The following SMYD3 variants were observed in gnomAD, a reference collection of about 807,000 sequenced individuals.
SMYD3 encodes the protein SET and MYND domain containing 3.
Under a neutral mutation model 57.7 loss-of-function variants are expected in SMYD3, and 36 were observed. That is an observed-to-expected ratio of 0.62 (90% CI 0.48 to 0.82). The LOEUF is 0.82. Among genes scored for constraint, SMYD3 ranks in the 40% least tolerant of loss-of-function variants. The pLI, the probability that SMYD3 is intolerant of heterozygous loss-of-function variation, is 0.00. For missense variants in SMYD3, 515 were observed against 538.8 expected (o/e 0.96, Z 0.44); for synonymous variants, 211 against 195.0 (o/e 1.08, Z -0.68).
chr1:246,327,444 T>C, intron 4 of SMYD3, 107 bp from the exon 5 acceptor site: 1 of 965,018 alleles, frequency 1.0e-6, no homozygotes, highest in Non-Finnish European at 1.5e-6. Flanking sequence ...TACCTTACAT[T>C]GGATTTTGAC....
intron 5 of SMYD3, among the ~76,000 whole-genome samples, chr1:246,093,017 A>G (rs540277196): frequency 2.0e-5 from 3 of 152,244 alleles, no homozygotes; most frequent in African/African-American, 7.2e-5. Context: ...AAAAATTCTC[A>G]ACATCATTAA....
At chr1:246,171,085 T>C (rs992145312) in intron 5 of SMYD3, among the ~76,000 whole-genome samples, 5 of 152,196 alleles carry the variant, frequency 3.3e-5, no homozygotes, top group African/African-American at 1.2e-4. Context: ...TTCTCTATTC[T>C]AGTTTTCTAA....
intron 5 of SMYD3, among the ~76,000 whole-genome samples, chr1:245,981,117 G>T (rs571569293): frequency 3.3e-5 from 5 of 152,204 alleles, no homozygotes; most frequent in South Asian, 4.2e-4. Context: ...TGTTTATCTG[G>T]GTCAGACCTA....
intron 5 of SMYD3, among the ~76,000 whole-genome samples, chr1:245,965,259 G>T (rs1037602145): frequency 1.3e-5 from 2 of 152,174 alleles, no homozygotes; most frequent in Non-Finnish European, 2.9e-5. Context: ...CCAAAGATGG[G>T]AGGGAAGAAT....
At chr1:245,876,720 C>G (rs2052506571) in intron 8 of SMYD3, among the ~76,000 whole-genome samples, 1 of 152,330 alleles carries the variant, frequency 6.6e-6, no homozygotes, top group Non-Finnish European at 1.5e-5. Context: ...GGGCCAGGTA[C>G]TGGATCTGAG....
chr1:246,354,876 G>A (rs1337489362), intron 2 of SMYD3, among the ~76,000 whole-genome samples, 155 bp downstream of exon 2: 1 of 152,086 alleles, frequency 6.6e-6, no homozygotes. Flanking sequence ...ACATTTTAAT[G>A]TCCCTGGCAA....
intron 5 of SMYD3, among the ~76,000 whole-genome samples, chr1:245,942,425 G>A (rs1002470256): frequency 6.6e-6 from 1 of 152,172 alleles, no homozygotes. Flanking sequence ...AACAAGAAGA[G>A]CTAACTATCC....
chr1:246,449,652 T>C (rs1381343262), intron 1 of SMYD3, among the ~76,000 whole-genome samples: 2 of 152,186 alleles, frequency 1.3e-5, no homozygotes, highest in East Asian at 3.9e-4. Context: ...GCCCATTTCC[T>C]CACTGATGTT....
chr1:245,883,368 A>G (rs1168623030), intron 8 of SMYD3, among the ~76,000 whole-genome samples: 1 of 152,224 alleles, frequency 6.6e-6, no homozygotes, highest in Non-Finnish European at 1.5e-5. Context: ...TTCAAGTCTC[A>G]AAACCACCCA....
At chr1:246,086,651 A>G (rs981368239) in intron 5 of SMYD3, among the ~76,000 whole-genome samples, 1 of 152,080 alleles carries the variant, frequency 6.6e-6, no homozygotes, top group Non-Finnish European at 1.5e-5. Flanking sequence ...GAGAGAGAGA[A>G]GGGAAATCAA....
chr1:246,278,768 C>T (rs1055594915), intron 5 of SMYD3, among the ~76,000 whole-genome samples: 9 of 151,954 alleles, frequency 5.9e-5, no homozygotes, highest in African/African-American at 2.2e-4. Context: ...AGAAACCATA[C>T]GATTAAAAAA....
intron 10 of SMYD3, among the ~76,000 whole-genome samples, chr1:245,811,144 T>C (rs2048448108): frequency 6.6e-6 from 1 of 152,198 alleles, no homozygotes; most frequent in African/African-American, 2.4e-5. Flanking sequence ...CCTATTCCTG[T>C]GGCCTTTCCA....
chr1:246,066,690 A>C (rs1193258207), intron 5 of SMYD3, among the ~76,000 whole-genome samples: 1 of 152,224 alleles, frequency 6.6e-6, no homozygotes, highest in Admixed American at 6.5e-5. Flanking sequence ...TTAAGTTTTC[A>C]TTCTTTTGTA....
intron 10 of SMYD3, among the ~76,000 whole-genome samples, chr1:245,798,398 A>ACT (rs2047656143): frequency 6.5e-5 from 1 of 15,356 alleles, no homozygotes; most frequent in Non-Finnish European, 4.6e-4. Context: ...GCGCACACAC[A>ACT]CACACACATA....
At chr1:245,933,639 C>T (rs985734476) in intron 5 of SMYD3, among the ~76,000 whole-genome samples, 1 of 152,076 alleles carries the variant, frequency 6.6e-6, no homozygotes, top group African/African-American at 2.4e-5. Context: ...ACATTTGTGT[C>T]CTGAGGTTAG....
rs1157679726 is a variant in SMYD3, at chr1:245,939,795, G to GAAC, written c.532-9861_532-9859dup. ...CACACCTTCATGTCTCTGCCAGGTG[G>GAAC]AACAGTCCCACTGCTTAGAATGTTC... On this transcript the variant is annotated intron_variant, in intron 5 of 11. Coordinates refer to ENST00000490107, the MANE Select transcript of SMYD3 (RefSeq NM_001167740.2). 3.3e-5 allele frequency among the ~76,000 whole-genome samples: 5 copies of GAAC among 152,190 alleles called. No homozygotes were observed. The East Asian group carries it at 9.7e-4, about 29-fold the overall frequency.
At chr1:246,143,668 AAATC>A (rs777578346) in intron 5 of SMYD3, among the ~76,000 whole-genome samples, 7 of 152,138 alleles carry the variant, frequency 4.6e-5, no homozygotes, top group African/African-American at 1.7e-4. Context: ...ACCCTATCTC[AAATC>A]AATCAATCAA....
chr1:245,920,620 C>G (rs1187017507), intron 7 of SMYD3, among the ~76,000 whole-genome samples: 1 of 152,172 alleles, frequency 6.6e-6, no homozygotes, highest in Non-Finnish European at 1.5e-5. Flanking sequence ...TATCTCTTCC[C>G]TGGATTATTA....
intron 5 of SMYD3, among the ~76,000 whole-genome samples, chr1:245,971,770 G>A (rs935978461): frequency 3.9e-5 from 6 of 152,174 alleles, no homozygotes; most frequent in African/African-American, 1.4e-4. Flanking sequence ...TTAACCAGAT[G>A]CTGCTTTGTG....
Sources: gnomAD v4.1 joint callset for allele counts (sites outside exome capture counted in the v4.1 genomes callset) on GRCh38, gnomAD v4.1.1 for gene constraint, MANE v1.5 for transcripts, NCBI Gene and HGNC (gene_info 2026-07-23, HGNC 2026-07-21) for gene names.